Variants in ARHGEF11 observed in about 807,000 individuals in gnomAD.
The protein encoded by ARHGEF11 is Rho guanine nucleotide exchange factor 11, also known as Rho guanine exchange factor (GEF) 11.
ARHGEF11 carries 55 observed loss-of-function variants against 193.7 expected under a neutral mutation model. That is an observed-to-expected ratio of 0.28 (90% confidence interval 0.23 to 0.36). The LOEUF is 0.36. Ranked by LOEUF, ARHGEF11 falls within the 10% of genes least tolerant of loss-of-function variation. The pLI is 1.00. For synonymous variants in ARHGEF11, 693 were observed against 768.0 expected (o/e 0.90, Z 1.62); for missense variants, 1,723 against 2,005.6 (o/e 0.86, Z 2.69).
At chr1:157,006,341 A>G (rs930602497) in intron 1 of ARHGEF11, among the ~76,000 whole-genome samples, 2 of 152,198 alleles carry the variant, frequency 1.3e-5, no homozygotes, top group Non-Finnish European at 2.9e-5. Flanking sequence ...GAATCACACA[A>G]TCATATGGGC....
chr1:156,954,628 C>A (rs962375691), intron 21 of ARHGEF11, among the ~76,000 whole-genome samples: 1 of 152,226 alleles, frequency 6.6e-6, no homozygotes, highest in African/African-American at 2.4e-5. Flanking sequence ...GGAGAAGGGG[C>A]CTTGCCCCCT....
At chr1:156,985,500 T>G (rs1664782885) in intron 2 of ARHGEF11, among the ~76,000 whole-genome samples, 1 of 152,160 alleles carries the variant, frequency 6.6e-6, no homozygotes, top group South Asian at 2.1e-4. Context: ...CTCGACTCAC[T>G]GCAACCTCTG....
intron 1 of ARHGEF11, among the ~76,000 whole-genome samples, chr1:157,018,158 C>T (rs1327468384): frequency 6.6e-6 from 1 of 152,066 alleles, no homozygotes; most frequent in Non-Finnish European, 1.5e-5. Context: ...CTAAAAACTA[C>T]AAAACATTGC....
At chr1:156,962,072 C>G (rs1255142885) in intron 13 of ARHGEF11, among the ~76,000 whole-genome samples, 2 of 152,234 alleles carry the variant, frequency 1.3e-5, no homozygotes, top group East Asian at 3.8e-4. Flanking sequence ...ACGGGCACAT[C>G]TTCAACACTG....
At chr1:156,979,178 C>T in intron 5 of ARHGEF11, 51 bp downstream of exon 5, 1 of 1,575,374 alleles carries the variant, frequency 6.3e-7, no homozygotes, top group South Asian at 1.1e-5. Flanking sequence ...CCTTTCCTCC[C>T]TCTCGGATCA....
intron 1 of ARHGEF11, among the ~76,000 whole-genome samples, chr1:157,019,623 T>C (rs1229002525): frequency 1.3e-5 from 2 of 152,160 alleles, no homozygotes; most frequent in African/African-American, 4.8e-5. Context: ...CAGATGTCCA[T>C]GAACAGGTGA....
chr1:157,043,155 T>C (rs1672962803), intron 1 of ARHGEF11, among the ~76,000 whole-genome samples: 1 of 152,154 alleles, frequency 6.6e-6, no homozygotes, highest in Non-Finnish European at 1.5e-5. Flanking sequence ...AAAAGGAAAT[T>C]ATTATTAGCA....
At chr1:156,971,906 CA>C in intron 7 of ARHGEF11, 90 bp from the exon 8 acceptor site, 1 of 1,432,852 alleles carries the variant, frequency 7.0e-7, no homozygotes, top group Non-Finnish European at 9.3e-7. Flanking sequence ...GGAGAATAGG[CA>C]GTTATCCCAA....
At chr1:157,038,866 A>G (rs920179373) in intron 1 of ARHGEF11, among the ~76,000 whole-genome samples, 3 of 152,104 alleles carry the variant, frequency 2.0e-5, no homozygotes, top group Non-Finnish European at 2.9e-5. Flanking sequence ...CATATCTACA[A>G]AAATTAGCCA....
intron 1 of ARHGEF11, among the ~76,000 whole-genome samples, chr1:157,004,004 T>C (rs971701750): frequency 1.3e-5 from 2 of 152,346 alleles, no homozygotes; most frequent in African/African-American, 2.4e-5. Flanking sequence ...TGTATTCATC[T>C]AGCGTTTCTC....
At chr1:156,945,599 G>T (rs1293036550) in intron 29 of ARHGEF11, 2 of 245,830 alleles carry the variant, frequency 8.1e-6, no homozygotes, top group Admixed American at 1.0e-4. Flanking sequence ...AGATGCCCAG[G>T]ATCCCAGGGA....
chr1:156,945,360 A>G (rs1161491147), intron 29 of ARHGEF11, 163 bp from the exon 30 acceptor site: 4 of 679,822 alleles, frequency 5.9e-6, no homozygotes, highest in Non-Finnish European at 9.8e-6. Flanking sequence ...CCCAAGTGGT[A>G]AGGGTAACTT....
intron 1 of ARHGEF11, among the ~76,000 whole-genome samples, chr1:157,003,068 TG>T (rs1667399117): frequency 6.6e-6 from 1 of 152,256 alleles, no homozygotes; most frequent in African/African-American, 2.4e-5. Context: ...ATTGATTGAT[TG>T]TTGATTATTC....
At chr1:156,963,858 T>C (rs909934266) in intron 11 of ARHGEF11, 4 of 1,035,224 alleles carry the variant, frequency 3.9e-6, no homozygotes, top group Non-Finnish European at 5.1e-6. Flanking sequence ...TAGGAGAAAA[T>C]GCTCTCTTCC....
At chr1:156,944,912 G>A in intron 30 of ARHGEF11, 107 bp downstream of exon 30, 2 of 1,408,108 alleles carry the variant, frequency 1.4e-6, no homozygotes, top group Non-Finnish European at 1.9e-6. Context: ...CACCCTATCT[G>A]GTCTCTGTCT....
chr1:156,960,990 C>T (rs1325577223), intron 14 of ARHGEF11, among the ~76,000 whole-genome samples: 1 of 152,196 alleles, frequency 6.6e-6, no homozygotes, highest in Admixed American at 6.5e-5. Flanking sequence ...TACTCAAGAC[C>T]CATTTAAGAG....
At chr1:156,963,379 G>A (rs1383684052) in intron 12 of ARHGEF11, 75 bp from the exon 13 acceptor site, 1 of 1,502,918 alleles carries the variant, frequency 6.7e-7, no homozygotes, top group East Asian at 2.3e-5. Flanking sequence ...GCTCCCATGT[G>A]ATTCCCCGTC....
At chr1:156,959,909 A>G in intron 15 of ARHGEF11, among the ~76,000 whole-genome samples, 1 of 146,420 alleles carries the variant, frequency 6.8e-6, no homozygotes, top group Non-Finnish European at 1.5e-5. Context: ...TAGGGAACTT[A>G]TAAAAACAAA....
Position 156,940,229 on chromosome 1 carries a change from G to A in ARHGEF11, c.3711C>T (p.Leu1237=), listed in dbSNP as rs569602412. ...CACCATCTTCCAGAGCGGAGTCAGC[G>A]AGCCCTTCCATGAACAGAGGGCCTG... ...AFPGPLFMEG[L]ADSALEDVEN... Residue 1237 remains leucine, a synonymous_variant, in exon 36 of 41, where the codon CTC becomes CTT. Coordinates refer to ENST00000368194, the MANE Select transcript of ARHGEF11 (RefSeq NM_198236.3). 2.5e-6 allele frequency: 4 copies of A among 1,594,792 alleles called. No homozygotes were observed. The highest frequency in any genetic ancestry group is 2.6e-6 in the Non-Finnish European group (3 of 1,167,506).
Sources: allele counts gnomAD v4.1 joint callset (sites outside exome capture counted in the v4.1 genomes callset), GRCh38; gene constraint gnomAD v4.1.1; transcripts MANE v1.5; gene names NCBI Gene and HGNC (gene_info 2026-07-23, HGNC 2026-07-21).